The following IFNAR1 variants were observed in gnomAD, a reference collection of about 807,000 sequenced individuals.
IFNAR1 encodes interferon alpha and beta receptor subunit 1.
IFNAR1 carries 47 observed loss-of-function variants against 62.1 expected under a neutral mutation model. The ratio of observed to expected loss-of-function variants is 0.76; its 90% CI spans 0.60 to 0.97. The LOEUF (loss-of-function observed/expected upper bound fraction) is 0.97. Among genes scored for constraint, IFNAR1 ranks in the 50% least tolerant of loss-of-function variants. The pLI, the probability that IFNAR1 is intolerant of heterozygous loss-of-function variation, is 0.00. For synonymous variants in IFNAR1, 219 were observed against 226.9 expected (o/e 0.97, Z 0.31); for missense variants, 638 against 654.5 (o/e 0.97, Z 0.27).
intron 2 of IFNAR1, among the ~76,000 whole-genome samples, chr21:33,338,399 G>T (rs1455335375): frequency 1.8e-5 from 1 of 54,158 alleles, no homozygotes; most frequent in Non-Finnish European, 3.1e-5. Flanking sequence ...GCCGGATGTG[G>T]TGGTGCGTGC....
At chr21:33,325,208 G>C in intron 1 of IFNAR1, 77 bp downstream of exon 1, 1 of 1,280,182 alleles carries the variant, frequency 7.8e-7, no homozygotes, top group Non-Finnish European at 1.1e-6. Context: ...CGGCGATGCT[G>C]TTGGGGGCGA....
At chr21:33,340,768 A>C (rs2083285310) in intron 2 of IFNAR1, among the ~76,000 whole-genome samples, 1 of 152,202 alleles carries the variant, frequency 6.6e-6, no homozygotes, top group Non-Finnish European at 1.5e-5. Flanking sequence ...CAGTTTCATA[A>C]GTAATAACTT....
intron 6 of IFNAR1, 34 bp from the exon 7 acceptor site, chr21:33,349,057 A>G (rs768550553): frequency 7.6e-7 from 1 of 1,318,396 alleles, no homozygotes; most frequent in Non-Finnish European, 1.1e-6. Flanking sequence ...CTTAATAAAT[A>G]TCTAATGAAT....
rs568448897 is a variant in IFNAR1 at position 33,352,710 on chromosome 21, T to A, written c.1144-48T>A. 5 of 1,082,690 alleles carry A rather than the reference T, an allele frequency of 4.6e-6. No homozygotes were observed. The South Asian group carries it at 8.0e-5, about 17-fold the overall frequency. 67.1% of individuals were successfully genotyped at this position (1,082,690 alleles called of 1,614,324 possible). ...AATTGAGAAAGCACATATTCCCTGA[T>A]TTCTTGAGGTGACTAAATTTTATCA... On this transcript the variant is annotated intron_variant, in intron 8 of 10. Coordinates refer to ENST00000270139, the MANE Select transcript of IFNAR1 (RefSeq NM_000629.3).
At position 33,357,530 on chromosome 21, in the gene IFNAR1, G is replaced by GTTTTTTTTTTTTTTTTT. The variant is rs36125058; in HGVS notation, c.*1996_*1997insTTTTTTTTTTTTTTTTT. On this transcript the variant is annotated 3_prime_UTR_variant, in exon 11 of 11. Transcript: ENST00000270139. Reference sequence around the variant, plus strand: ...ATTTTCATCTTTCTGACCAGAGGCTGTTTTTTTTTTTTTTTGAGACAGTCT... The same window carrying GTTTTTTTTTTTTTTTTT: ...ATTTTCATCTTTCTGACCAGAGGCTGTTTTTTTTTTTTTTTTTTTTTTTTTTTTTTTTGAGACAGTCT... The GTTTTTTTTTTTTTTTTT allele has an allele frequency of 3.2e-4, 45 of 139,656 alleles. No individual in the cohort carries two copies. Among genetic ancestry groups the GTTTTTTTTTTTTTTTTT allele is most frequent in the African/African-American group, 1.0e-3 (39 of 37,268 alleles). The allele number at this position is 139,656 out of a possible 1,614,324, so 8.7% of individuals were successfully genotyped here.
intron 6 of IFNAR1, among the ~76,000 whole-genome samples, chr21:33,348,360 A>G (rs913966901): frequency 8.5e-5 from 13 of 152,238 alleles, no homozygotes; most frequent in African/African-American, 3.1e-4. Context: ...AGTTGGGAAC[A>G]TATGCACAGT....
intron 1 of IFNAR1, chr21:33,334,912 G>A (rs1169404081): frequency 1.3e-6 from 2 of 1,531,120 alleles, no homozygotes; most frequent in African/African-American, 2.7e-5. Flanking sequence ...TCCCACCCCT[G>A]CAGTGGGAGA....
At chr21:33,342,688 CAAAAAAAA>C (rs757422966) in intron 3 of IFNAR1, among the ~76,000 whole-genome samples, 2 of 93,518 alleles carry the variant, frequency 2.1e-5, no homozygotes, top group African/African-American at 8.0e-5. Context: ...ACTAAAAATA[CAAAAAAAA>C]AAAAAAAAAA....
At chr21:33,327,925 GT>G (rs2083141658) in intron 1 of IFNAR1, among the ~76,000 whole-genome samples, 1 of 152,166 alleles carries the variant, frequency 6.6e-6, no homozygotes, top group Non-Finnish European at 1.5e-5. Flanking sequence ...TTGGTAATTG[GT>G]TGAAATCAAT....
intron 1 of IFNAR1, among the ~76,000 whole-genome samples, chr21:33,333,887 T>C (rs900146807): frequency 3.9e-5 from 6 of 152,178 alleles, no homozygotes; most frequent in Middle Eastern, 6.8e-3. Context: ...CCTCCCAAAG[T>C]GCGGAATATT....
intron 1 of IFNAR1, among the ~76,000 whole-genome samples, chr21:33,326,380 T>A (rs999659066): frequency 6.6e-6 from 1 of 152,106 alleles, no homozygotes; most frequent in Non-Finnish European, 1.5e-5. Flanking sequence ...ATTTTTTGTA[T>A]TTCTAGTAGA....
At chr21:33,347,791 C>A (rs1002147763) in intron 6 of IFNAR1, among the ~76,000 whole-genome samples, 5 of 152,158 alleles carry the variant, frequency 3.3e-5, no homozygotes, top group African/African-American at 1.2e-4. Flanking sequence ...GGGCAGGAAT[C>A]TTGGGGGCCA....
chr21:33,349,016 C>A, intron 6 of IFNAR1, 75 bp from the exon 7 acceptor site: 1 of 850,764 alleles, frequency 1.2e-6, no homozygotes, highest in Non-Finnish European at 1.9e-6. Flanking sequence ...GTAACCTTAG[C>A]CCCTAACATA....
At chr21:33,351,327 C>T (rs1268636943) in intron 8 of IFNAR1, among the ~76,000 whole-genome samples, 2 of 152,120 alleles carry the variant, frequency 1.3e-5, no homozygotes, top group Non-Finnish European at 2.9e-5. Context: ...TTTGGCTTGG[C>T]TCTTGCACTG....
Position 33,356,559 on chromosome 21 carries a change from C to T in IFNAR1, c.*1010C>T, listed in dbSNP as rs1362995657. On this transcript the variant is annotated 3_prime_UTR_variant, in exon 11 of 11. Transcript: ENST00000270139. ...GGCAATCTTTTACTATGCATTAAGA[C>T]CTCTGATTCAAAACTTATTAGAACA... 4 of 152,168 alleles carry T rather than the reference C, an allele frequency of 2.6e-5. No homozygotes were observed. Among genetic ancestry groups the T allele is most frequent in the African/African-American group, 9.7e-5 (4 of 41,430 alleles). 9.4% of individuals were successfully genotyped at this position (152,168 alleles called of 1,614,324 possible). A position where few individuals can be genotyped will look rare whatever the true frequency, so the allele number is the denominator to read the frequency against.
At chr21:33,342,166 T>C (rs534137569) in intron 3 of IFNAR1, among the ~76,000 whole-genome samples, 1 of 152,216 alleles carries the variant, frequency 6.6e-6, no homozygotes, top group Non-Finnish European at 1.5e-5. Flanking sequence ...TCCAACACTT[T>C]GGGAGGCTGA....
At chr21:33,334,619 G>A in intron 1 of IFNAR1, 4 of 639,468 alleles carry the variant, frequency 6.3e-6, no homozygotes, top group South Asian at 1.5e-5. Context: ...AGACAGAGGG[G>A]ACAGTGCAGA....
intron 2 of IFNAR1, among the ~76,000 whole-genome samples, chr21:33,338,765 C>T (rs1446456854): frequency 3.4e-5 from 5 of 148,450 alleles, no homozygotes; most frequent in Admixed American, 6.7e-5. Context: ...TTTTTTGAGA[C>T]GGAGTCTTGC....
At position 33,341,026 on chromosome 21, in the gene IFNAR1, G is replaced by A. The variant is rs762760324; in HGVS notation, c.228G>A (p.Leu76=). ...CTGGGATGGATAATTGGATAAAATT[G>A]TCTGGGTGTCAGAATATTACTAGTA... is the stretch of plus-strand genomic sequence containing the variant. ...QKTGMDNWIK[L]SGCQNITSTK... Residue 76 remains leucine (L), a synonymous_variant, in exon 3 of 11, where the codon TTG becomes TTA. Transcript: ENST00000270139. 7 of 1,610,732 alleles carry A rather than the reference G, an allele frequency of 4.3e-6. No individual in the cohort carries two copies. In the South Asian group the frequency reaches 5.5e-5, roughly 13 times the overall value.
Sources: allele counts gnomAD v4.1 joint callset (sites outside exome capture counted in the v4.1 genomes callset), GRCh38; gene constraint gnomAD v4.1.1; transcripts MANE v1.5; gene names NCBI Gene and HGNC (gene_info 2026-07-23, HGNC 2026-07-21).